UNC80: variants seen among roughly 807,000 people sequenced by gnomAD.
UNC80 encodes protein unc-80 homolog.
In UNC80, 164 loss-of-function variants were observed where a neutral mutation model predicts 384.6. The ratio of observed to expected loss-of-function variants is 0.43; its 90% CI spans 0.38 to 0.49. The LOEUF (loss-of-function observed/expected upper bound fraction) is 0.49. Ranked by LOEUF, UNC80 falls within the 20% of genes least tolerant of loss-of-function variation. The pLI, the probability that UNC80 is intolerant of heterozygous loss-of-function variation, is 0.00. For missense variants in UNC80, 3,330 were observed against 4,143.0 expected (o/e 0.80, Z 5.39); for synonymous variants, 1,486 against 1,527.8 (o/e 0.97, Z 0.64).
chr2:209,809,486 A>G (rs1443442404), intron 7 of UNC80: 8 of 1,294,776 alleles, frequency 6.2e-6, no homozygotes, highest in African/African-American at 2.9e-5. Context: ...TTGGACGTCA[A>G]GAAGTACCAG....
intron 7 of UNC80, chr2:209,809,049 G>T: frequency 7.1e-6 from 3 of 425,306 alleles, no homozygotes; most frequent in South Asian, 6.3e-5. Flanking sequence ...CGGCAGAACT[G>T]ACCTCACTGT....
In UNC80 at chr2:209,829,297, C is replaced by T; in HGVS notation, c.2544C>T (p.Asp848=). The T allele has an allele frequency of 4.5e-6, 7 of 1,551,442 alleles. No homozygotes were observed. The highest frequency in any genetic ancestry group is 6.1e-6 in the Non-Finnish European group (7 of 1,146,796). ...DKMQFRQTMR[D]YVNKDSLNNV... is the part of the protein sequence containing the mutation. ...TGCAGTTCCGACAAACCATGAGGGA[C>T]TATGTGAACAAGGACTCTCTCAATA... Residue 848 remains aspartate, a synonymous_variant, in exon 15 of 65, where the codon GAC becomes GAT. Transcript: ENST00000673920.
intron 42 of UNC80, among the ~76,000 whole-genome samples, chr2:209,938,676 G>GTCTCTCTCTCTCTCTCTCTC (rs10555565): frequency 1.5e-5 from 2 of 137,386 alleles, no homozygotes; most frequent in African/African-American, 2.7e-5. Context: ...CCTAGTCTCT[G>GTCTCTCTCTCTCTCTCTCTC]TCTCTCTCTC....
At chr2:209,866,529 CACACAGAGAGAGAG>C (rs1419212634) in intron 22 of UNC80, among the ~76,000 whole-genome samples, 1 of 126,530 alleles carries the variant, frequency 7.9e-6, no homozygotes, top group African/African-American at 3.7e-5. Flanking sequence ...CACACACACA[CACACAGAGAGAGAG>C]AGAGAGAGAG....
At chr2:209,773,218 C>A in intron 2 of UNC80, 76 bp downstream of exon 2, 2 of 1,241,026 alleles carry the variant, frequency 1.6e-6, no homozygotes, top group Non-Finnish European at 2.3e-6. Flanking sequence ...GATTTTAAAT[C>A]AAACGGACTA....
rs201878514 is a variant in UNC80 at position 209,817,576 on chromosome 2, C to G, written c.1553-236C>G. Among the ~76,000 whole-genome samples the G allele has an allele frequency of 4.6e-5, 7 of 152,100 alleles. No homozygotes were observed. The East Asian group carries it at 1.4e-3, about 29-fold the overall frequency. ...GAGCTGACAGCTAGCTGGGCCACAA[C>G]AGACGGTTTCTGACATTTGGCTAAG... On this transcript the variant is annotated intron_variant, in intron 10 of 64. Transcript: ENST00000673920.
At chr2:209,983,417 A>T (rs906800294) in intron 60 of UNC80, among the ~76,000 whole-genome samples, 3 of 152,196 alleles carry the variant, frequency 2.0e-5, no homozygotes, top group South Asian at 4.1e-4. Flanking sequence ...TTAATACTAT[A>T]TAAAGGTTTG....
chr2:209,828,836 C>A (rs2080742134), intron 14 of UNC80, among the ~76,000 whole-genome samples: 1 of 152,160 alleles, frequency 6.6e-6, no homozygotes, highest in Non-Finnish European at 1.5e-5. Context: ...GTGTGGCATG[C>A]ATCTTCCCAT....
chr2:209,976,433 T>C lies in UNC80; in HGVS notation c.8772+130T>C. On this transcript the variant is annotated intron_variant, in intron 57 of 64. Transcript: ENST00000673920. This position sits in a 1 kb window ranked among gnomAD's most constrained non-coding sequence, Gnocchi z 4.3. ...CAGTTAGTAGGGCCTGTTAATACCA[T>C]GCTTGATGAGAAAACCGCCCAAAAA... 8.3e-7 allele frequency: 1 copy of C among 1,204,248 alleles called. No homozygotes were observed. Among genetic ancestry groups the C allele is most frequent in the Non-Finnish European group, 1.2e-6 (1 of 868,802 alleles). 74.6% of individuals were successfully genotyped at this position (1,204,248 alleles called of 1,614,324 possible). A position where few individuals can be genotyped will look rare whatever the true frequency, so the allele number is the denominator to read the frequency against.
chr2:209,887,765 T>G (rs1574896183), intron 25 of UNC80, among the ~76,000 whole-genome samples: 1 of 152,094 alleles, frequency 6.6e-6, no homozygotes, highest in East Asian at 1.9e-4. Flanking sequence ...GATTTTTAAA[T>G]AAGAGATAAA....
chr2:209,877,464 T>C (rs1294249818), intron 23 of UNC80, among the ~76,000 whole-genome samples: 1 of 152,128 alleles, frequency 6.6e-6, no homozygotes, highest in African/African-American at 2.4e-5. Flanking sequence ...AATAAGTACA[T>C]ATATAATGAC....
In UNC80 at chr2:209,820,694, C is replaced by T; in HGVS notation, c.2331+15C>T. On this transcript the variant is annotated intron_variant, in intron 13 of 64. Transcript: ENST00000673920. ...ACCAAGAGAAGGTATGACTGAACCA[C>T]CTTATGTGTCCTCATGAAATGTCAT... 1 of 1,503,622 alleles carries T rather than the reference C, an allele frequency of 6.7e-7. No homozygotes were observed. The highest frequency in any genetic ancestry group is 2.5e-5 in the East Asian group (1 of 40,568). The allele number at this position is 1,503,622 out of a possible 1,614,324, so 93.1% of individuals were successfully genotyped here.
At chr2:209,888,838 A>G (rs2086072769) in intron 26 of UNC80, among the ~76,000 whole-genome samples, 1 of 152,184 alleles carries the variant, frequency 6.6e-6, no homozygotes, top group Admixed American at 6.5e-5. Flanking sequence ...AAAACATAAT[A>G]AAATGAGAAA....
chr2:209,982,355 G>C, intron 60 of UNC80, 38 bp downstream of exon 60: 1 of 1,484,498 alleles, frequency 6.7e-7, no homozygotes, highest in South Asian at 1.4e-5. Context: ...TGCATTTGGG[G>C]GCAAAGTTAG....
chr2:209,942,223 C>T (rs571586900), intron 44 of UNC80, among the ~76,000 whole-genome samples: 3 of 152,230 alleles, frequency 2.0e-5, no homozygotes, highest in Non-Finnish European at 4.4e-5. Flanking sequence ...AGTTTCATTC[C>T]GAAACCATCC....
chr2:209,914,010 A>C, intron 31 of UNC80, 70 bp downstream of exon 31: 1 of 1,466,250 alleles, frequency 6.8e-7, no homozygotes, highest in African/African-American at 1.4e-5. Context: ...TTTAAATAAG[A>C]GAGGTGTTTC....
chr2:209,794,055 G>A (rs936366619), intron 7 of UNC80, among the ~76,000 whole-genome samples, 196 bp downstream of exon 7: 7 of 152,174 alleles, frequency 4.6e-5, no homozygotes, highest in African/African-American at 9.7e-5. Flanking sequence ...AAACTAGGGC[G>A]AAAGTGGAAA....
intron 29 of UNC80, among the ~76,000 whole-genome samples, chr2:209,908,955 T>G (rs1375626394): frequency 6.6e-6 from 1 of 152,180 alleles, no homozygotes; most frequent in Non-Finnish European, 1.5e-5. Context: ...CTGACTTCAA[T>G]TTCCACAAAT....
chr2:209,801,140 A>G (rs943963673), intron 7 of UNC80, among the ~76,000 whole-genome samples: 5 of 152,080 alleles, frequency 3.3e-5, no homozygotes, highest in Non-Finnish European at 5.9e-5. Context: ...TCTGTGTAAT[A>G]CTGACATTGG....
Sources: allele counts gnomAD v4.1 joint callset (sites outside exome capture counted in the v4.1 genomes callset), GRCh38; gene constraint gnomAD v4.1.1; non-coding constraint Gnocchi (gnomAD v3.1); transcripts MANE v1.5; gene names NCBI Gene and HGNC (gene_info 2026-07-23, HGNC 2026-07-21).